Variants in RASGEF1B observed in about 807,000 individuals in gnomAD.
The protein encoded by RASGEF1B is ras-GEF domain-containing family member 1B.
A neutral mutation model predicts 65.7 loss-of-function variants in RASGEF1B; 30 were observed. The ratio of observed to expected loss-of-function variants is 0.46; its 90% confidence interval spans 0.34 to 0.62. RASGEF1B has a LOEUF of 0.62. Ranked by LOEUF, RASGEF1B falls within the 20% of genes least tolerant of loss-of-function variation. The pLI is 0.01. For synonymous variants in RASGEF1B, 175 were observed against 194.8 expected (o/e 0.90, Z 0.85); for missense variants, 495 against 580.1 (o/e 0.85, Z 1.51).
chr4:81,435,463 A>AT (rs1200565994), intron 10 of RASGEF1B, among the ~76,000 whole-genome samples: 6,248 of 78,410 alleles, frequency 0.08, 644 homozygotes, highest in African/African-American at 0.17. Flanking sequence ...GCAGGCACCG[A>AT]TTTTTTTTTT....
intron 10 of RASGEF1B, among the ~76,000 whole-genome samples, chr4:81,437,143 T>G (rs1465254888): frequency 6.6e-6 from 1 of 152,246 alleles, no homozygotes; most frequent in Non-Finnish European, 1.5e-5. Flanking sequence ...GCTTCAGAAT[T>G]TCCTGGTGCT....
intron 4 of RASGEF1B, 55 bp from the exon 5 acceptor site, chr4:81,448,339 A>G (rs1288564472): frequency 6.9e-7 from 1 of 1,441,116 alleles, no homozygotes; most frequent in South Asian, 1.1e-5. Context: ...TTTTGCCACT[A>G]GGCAAACTCA....
intron 9 of RASGEF1B, among the ~76,000 whole-genome samples, chr4:81,441,839 G>A (rs1376396198): frequency 6.6e-6 from 1 of 152,114 alleles, no homozygotes; most frequent in Non-Finnish European, 1.5e-5. Context: ...CACTGCGCCT[G>A]GCCCACAATT....
intron 10 of RASGEF1B, among the ~76,000 whole-genome samples, chr4:81,437,627 G>A (rs1721675956): frequency 6.6e-6 from 1 of 152,158 alleles, no homozygotes; most frequent in Admixed American, 6.5e-5. Flanking sequence ...ATAAATTCTA[G>A]ATGGCAGAGG....
intron 11 of RASGEF1B, 64 bp downstream of exon 11, chr4:81,434,575 G>A (rs140487013): frequency 3.4e-5 from 30 of 890,256 alleles, no homozygotes; most frequent in African/African-American, 1.5e-4. Context: ...CCAGGAATGC[G>A]GTGCTGGAGA....
chr4:81,457,575 T>C lies in RASGEF1B; in HGVS notation c.224A>G (p.His75Arg), dbSNP rs1722492455. Reference sequence around the variant, plus strand: ...AACTTTGGCCATTAGCTCATACGGATGCATAAATAACCGAGAACTGAGTAG... The same window carrying C: ...AACTTTGGCCATTAGCTCATACGGACGCATAAATAACCGAGAACTGAGTAG... ...TFLLSSRLFM[H>R]PYELMAKVCH... Residue 75 changes from histidine to arginine, a missense_variant, in exon 3 of 14, where the codon CAT (histidine) becomes CGT (arginine). Physicochemically the swap from His to Arg is conservative, Grantham distance 29 (BLOSUM62 0). Coordinates refer to ENST00000264400, the MANE Select transcript of RASGEF1B (RefSeq NM_152545.3). 5 of 1,614,122 alleles carry C rather than the reference T, an allele frequency of 3.1e-6. No homozygotes were observed. Among genetic ancestry groups the C allele is most frequent in the Non-Finnish European group, 4.2e-6 (5 of 1,179,990 alleles).
At chr4:81,447,453 T>G in intron 6 of RASGEF1B, 51 bp downstream of exon 6, 1 of 1,333,630 alleles carries the variant, frequency 7.5e-7, no homozygotes. Context: ...TATCATAGAC[T>G]GATAAATCCC....
At position 81,459,320 on chromosome 4, in the gene RASGEF1B, A is replaced by G; in HGVS notation, c.177+12T>C. The G allele has an allele frequency of 1.3e-6, 2 of 1,562,446 alleles. No individual in the cohort carries two copies. Among genetic ancestry groups the G allele is most frequent in the Non-Finnish European group, 1.7e-6 (2 of 1,156,146 alleles). ...TGCCAAGGATGTGTTTCAGAGAAAC[A>G]TGAATACCTACATCTGGATAGTAAT... On this transcript the variant is annotated intron_variant, in intron 2 of 13. Transcript: ENST00000264400.
chr4:81,451,967 C>T (rs923701501), intron 4 of RASGEF1B: 3 of 152,248 alleles, frequency 2.0e-5, no homozygotes, highest in African/African-American at 7.2e-5. Context: ...TGGGGGCAGC[C>T]TGGGTTCCAC....
At chr4:81,441,044 A>G in intron 9 of RASGEF1B, 115 bp from the exon 10 acceptor site, 1 of 646,418 alleles carries the variant, frequency 1.5e-6, no homozygotes, top group East Asian at 2.8e-5. Flanking sequence ...TAGGAAACTC[A>G]GTAGGAATAT....
At chr4:81,470,422 C>A (rs551350827) in intron 1 of RASGEF1B, among the ~76,000 whole-genome samples, 2 of 152,118 alleles carry the variant, frequency 1.3e-5, no homozygotes, top group Admixed American at 1.3e-4. Context: ...ACTGTTTTCA[C>A]GAGGAAAGGG....
At chr4:81,431,923 AC>A (rs1314392203) in intron 13 of RASGEF1B, among the ~76,000 whole-genome samples, 2 of 152,206 alleles carry the variant, frequency 1.3e-5, no homozygotes, top group African/African-American at 4.8e-5. Context: ...GCCTACTAGT[AC>A]TTCTTTCTTT....
intron 1 of RASGEF1B, among the ~76,000 whole-genome samples, chr4:81,469,773 C>T (rs12649837): frequency 0.17 from 26,489 of 151,912 alleles, 2,428 homozygotes; most frequent in South Asian, 0.24. Context: ...CAGTATGATT[C>T]CCAGGTATTA....
At chr4:81,451,100 T>G (rs1722242687) in intron 4 of RASGEF1B, 1 of 152,170 alleles carries the variant, frequency 6.6e-6, no homozygotes, top group East Asian at 1.9e-4. Flanking sequence ...TAAGATCAAG[T>G]GCAGAGTAGA....
At chr4:81,434,605 C>A (rs1468775441) in intron 11 of RASGEF1B, 34 bp downstream of exon 11, 2 of 1,309,224 alleles carry the variant, frequency 1.5e-6, no homozygotes, top group African/African-American at 1.5e-5. Context: ...TCTCCTTGTG[C>A]TTGGATTTTT....
Position 81,448,290 on chromosome 4 carries a change from G to T in RASGEF1B, c.439-6C>A. 1 of 1,609,900 alleles carries T rather than the reference G, an allele frequency of 6.2e-7. No homozygotes were observed. The highest frequency in any genetic ancestry group is 8.5e-7 in the Non-Finnish European group (1 of 1,177,794). ...ACATTCTTTCTGTATGTCTGCTAGGGAATAAGCGAAGAATTACATCCGTAC... is the reference window on the plus strand; with the variant it reads ...ACATTCTTTCTGTATGTCTGCTAGGTAATAAGCGAAGAATTACATCCGTAC... On this transcript the variant is annotated splice_polypyrimidine_tract_variant and splice_region_variant and intron_variant, in intron 4 of 13. Coordinates refer to ENST00000264400, the MANE Select transcript of RASGEF1B (RefSeq NM_152545.3).
chr4:81,445,243 T>C (rs2109978361), intron 8 of RASGEF1B, among the ~76,000 whole-genome samples: 1 of 152,366 alleles, frequency 6.6e-6, no homozygotes, highest in East Asian at 1.9e-4. Flanking sequence ...AAAATACTTT[T>C]TAAAACTCTT....
intron 10 of RASGEF1B, among the ~76,000 whole-genome samples, chr4:81,439,161 C>T (rs1721748938): frequency 6.6e-6 from 1 of 152,166 alleles, no homozygotes; most frequent in Non-Finnish European, 1.5e-5. Flanking sequence ...CGAATTGCCA[C>T]ACTGTCTTCC....
intron 10 of RASGEF1B, among the ~76,000 whole-genome samples, chr4:81,439,392 G>A (rs1171077545): frequency 6.6e-6 from 1 of 152,182 alleles, no homozygotes; most frequent in Admixed American, 6.5e-5. Flanking sequence ...TTTATTAAAT[G>A]ATGTGAAGGG....
Sources: gnomAD v4.1 joint callset for allele counts (sites outside exome capture counted in the v4.1 genomes callset) on GRCh38, gnomAD v4.1.1 for gene constraint, MANE v1.5 for transcripts, NCBI Gene and HGNC (gene_info 2026-07-23, HGNC 2026-07-21) for gene names.